Variants in MYO5B observed in about 807,000 individuals in gnomAD.
MYO5B encodes unconventional myosin-Vb.
MYO5B carries 143 observed loss-of-function variants against 229.3 expected under a neutral mutation model. The ratio of observed to expected loss-of-function variants is 0.62; its 90% CI spans 0.54 to 0.72. The LOEUF (loss-of-function observed/expected upper bound fraction) is 0.72. Ranked by LOEUF, MYO5B falls within the 30% of genes least tolerant of loss-of-function variation. The pLI, the probability that MYO5B is intolerant of heterozygous loss-of-function variation, is 0.00. For missense variants in MYO5B, 2,321 were observed against 2,331.0 expected (o/e 1.00, Z 0.09); for synonymous variants, 918 against 885.2 (o/e 1.04, Z -0.66).
intron 1 of MYO5B, among the ~76,000 whole-genome samples, chr18:50,059,116 T>C (rs1435132118): frequency 1.3e-5 from 2 of 152,186 alleles, no homozygotes; most frequent in East Asian, 1.9e-4. Flanking sequence ...CTTCCAAATA[T>C]ACTGTTGGGC....
chr18:49,907,933 C>T (rs2024917994), intron 18 of MYO5B, among the ~76,000 whole-genome samples: 1 of 152,210 alleles, frequency 6.6e-6, no homozygotes, highest in Admixed American at 6.5e-5. Context: ...CTGGATGGGA[C>T]TTGGGAGCTT....
chr18:49,943,886 C>T (rs1423294116), intron 14 of MYO5B, among the ~76,000 whole-genome samples: 4 of 152,126 alleles, frequency 2.6e-5, no homozygotes, highest in Non-Finnish European at 5.9e-5. Context: ...AGACAGGATT[C>T]TCTTAGGGAG....
In MYO5B at chr18:49,973,236, C is replaced by A. The variant is rs143731785; in HGVS notation, c.1322+1114G>T. Among the ~76,000 whole-genome samples the A allele has an allele frequency of 5.3e-5, 8 of 152,272 alleles. 1 individual carries two copies. The highest frequency in any genetic ancestry group is 1.9e-4 in the African/African-American group (8 of 41,554). On this transcript the variant is annotated intron_variant, in intron 10 of 39. Transcript: ENST00000285039. The stretch of plus-strand genomic sequence containing the variant: ...TGTCAGAAATCACAAAGATTGTCTT[C>A]TTTCTCCATAGCATGCAACATAGTT...
intron 32 of MYO5B, among the ~76,000 whole-genome samples, chr18:49,849,205 G>A (rs946478771): frequency 1.3e-5 from 2 of 152,118 alleles, no homozygotes; most frequent in African/African-American, 4.8e-5. Flanking sequence ...GAGGACCTTG[G>A]GGTTTAGGTC....
intron 1 of MYO5B, among the ~76,000 whole-genome samples, chr18:50,151,907 T>G (rs1320926138): frequency 1.3e-5 from 2 of 152,148 alleles, no homozygotes; most frequent in Non-Finnish European, 2.9e-5. Context: ...TTCCTCAGCC[T>G]GCCTTCCCGC....
intron 1 of MYO5B, among the ~76,000 whole-genome samples, chr18:50,176,044 C>G (rs1287817013): frequency 1.3e-5 from 2 of 152,250 alleles, no homozygotes; most frequent in Admixed American, 1.3e-4. Context: ...AGCCATTCCT[C>G]ACATGCTATG....
intron 1 of MYO5B, among the ~76,000 whole-genome samples, chr18:50,100,460 T>A (rs1197892520): frequency 6.6e-6 from 1 of 152,220 alleles, no homozygotes; most frequent in East Asian, 1.9e-4. Flanking sequence ...CCTCAACTAG[T>A]GCACAGAATT....
At chr18:50,104,040 T>C (rs1285935996) in intron 1 of MYO5B, among the ~76,000 whole-genome samples, 1 of 149,070 alleles carries the variant, frequency 6.7e-6, no homozygotes, top group Non-Finnish European at 1.5e-5. Flanking sequence ...AGTGTGCACC[T>C]ACAGTCCTAG....
intron 1 of MYO5B, among the ~76,000 whole-genome samples, chr18:50,103,240 T>C (rs965569245): frequency 6.6e-6 from 1 of 152,244 alleles, no homozygotes; most frequent in African/African-American, 2.4e-5. Flanking sequence ...AGGTGCTGCC[T>C]AGCCATTCAT....
chr18:49,905,450 AG>A (rs1166165098), intron 19 of MYO5B, among the ~76,000 whole-genome samples: 3 of 152,054 alleles, frequency 2.0e-5, no homozygotes, highest in African/African-American at 7.2e-5. Flanking sequence ...CCCCTTCTGA[AG>A]GGTCTTGTTT....
intron 18 of MYO5B, among the ~76,000 whole-genome samples, chr18:49,909,098 A>C (rs1159472148): frequency 6.6e-6 from 1 of 152,150 alleles, no homozygotes; most frequent in Non-Finnish European, 1.5e-5. Context: ...CGTACTTAGA[A>C]CTTGCTTGGG....
intron 1 of MYO5B, among the ~76,000 whole-genome samples, chr18:50,062,173 A>G (rs1489201498): frequency 3.3e-5 from 5 of 152,178 alleles, no homozygotes; most frequent in Non-Finnish European, 7.3e-5. Context: ...ATGAAAAAAA[A>G]AAATGTACAA....
chr18:49,934,248 A>T (rs1449338442), intron 16 of MYO5B, among the ~76,000 whole-genome samples: 3 of 152,146 alleles, frequency 2.0e-5, no homozygotes, highest in Admixed American at 6.5e-5. Flanking sequence ...CCAAATCAGC[A>T]GTGAGCTCAA....
At chr18:49,830,195 C>T in intron 39 of MYO5B, among the ~76,000 whole-genome samples, 1 of 149,466 alleles carries the variant, frequency 6.7e-6, no homozygotes, top group Non-Finnish European at 1.5e-5. Flanking sequence ...CTAATGAATT[C>T]AGCGAAGTAC....
chr18:50,018,549 CAT>C (rs1279418239), intron 4 of MYO5B, among the ~76,000 whole-genome samples: 3 of 152,152 alleles, frequency 2.0e-5, no homozygotes, highest in African/African-American at 7.2e-5. Context: ...TCTCATATAG[CAT>C]CTTCCGGGTA....
At chr18:50,192,504 G>A (rs1043629765) in intron 1 of MYO5B, among the ~76,000 whole-genome samples, 1 of 152,180 alleles carries the variant, frequency 6.6e-6, no homozygotes, top group African/African-American at 2.4e-5. Flanking sequence ...CTTTCTAGAA[G>A]GCCAAATGAT....
chr18:50,127,701 T>C (rs2032188787), intron 1 of MYO5B, among the ~76,000 whole-genome samples: 1 of 152,218 alleles, frequency 6.6e-6, no homozygotes, highest in Non-Finnish European at 1.5e-5. Flanking sequence ...CAATTTTATG[T>C]GTCAACTTAT....
At position 49,893,318 on chromosome 18, in the gene MYO5B, A is replaced by G. The variant is rs562959890; in HGVS notation, c.3045+1623T>C. On this transcript the variant is annotated intron_variant, in intron 22 of 39. Transcript: ENST00000285039. The stretch of plus-strand genomic sequence containing the variant: ...TTTTTCTCCCAGGGTCACTAGTCTC[A>G]GGAGTTTCCAGTTCTATTCTTGATC... 9.8e-5 allele frequency among the ~76,000 whole-genome samples: 15 copies of G among 152,328 alleles called. No homozygotes were observed. In the South Asian group the frequency reaches 2.9e-3, roughly 29 times the overall value.
intron 39 of MYO5B, among the ~76,000 whole-genome samples, chr18:49,831,556 A>T (rs939939819): frequency 1.3e-5 from 2 of 152,220 alleles, no homozygotes; most frequent in Admixed American, 1.3e-4. Context: ...CCACAATGAG[A>T]TGCCACTTCA....
Sources: allele counts gnomAD v4.1 joint callset (sites outside exome capture counted in the v4.1 genomes callset), GRCh38; gene constraint gnomAD v4.1.1; transcripts MANE v1.5; gene names NCBI Gene and HGNC (gene_info 2026-07-23, HGNC 2026-07-21).